The following UBR1 variants were observed in gnomAD, a reference collection of about 807,000 sequenced individuals.
The protein encoded by UBR1 is E3 ubiquitin-protein ligase UBR1.
Under a neutral mutation model 242.1 loss-of-function variants are expected in UBR1, and 102 were observed. The ratio of observed to expected loss-of-function variants is 0.42; its 90% CI spans 0.36 to 0.50. The LOEUF (loss-of-function observed/expected upper bound fraction) is 0.50. Among genes scored for constraint, UBR1 ranks in the 20% least tolerant of loss-of-function variants. The probability of loss-of-function intolerance (pLI) is 0.01; values close to 1 mark genes in which losing one functional copy is unlikely to be tolerated. For missense variants in UBR1, 1,772 were observed against 2,101.8 expected (o/e 0.84, Z 3.07); for synonymous variants, 675 against 684.8 (o/e 0.99, Z 0.22).
chr15:43,054,056 A>G (rs1412127711), intron 12 of UBR1, among the ~76,000 whole-genome samples: 1 of 152,188 alleles, frequency 6.6e-6, no homozygotes, highest in Non-Finnish European at 1.5e-5. Context: ...AAGGAGTTAA[A>G]AAAATGTTAA....
At position 43,056,398 on chromosome 15, in the gene UBR1, G is replaced by C; in HGVS notation, c.1227C>G (p.Asp409Glu). Residue 409 changes from aspartate to glutamate, a missense_variant, in exon 11 of 47, where the codon GAC becomes GAG. Transcript: ENST00000290650. ...AAAGTGCAGTTATAGAGATACTTCT[G>C]TCATGATCATCACTGATATATTCTT... ...LQKEYISDDH[D>E]RSISITALSV... is the part of the protein sequence containing the mutation. 6.2e-7 allele frequency: 1 copy of C among 1,612,392 alleles called. No homozygotes were observed. The highest frequency in any genetic ancestry group is 1.3e-5 in the African/African-American group (1 of 74,994).
At chr15:43,059,274 A>AGGTT in intron 8 of UBR1, 82 bp from the exon 9 acceptor site, 2 of 1,327,376 alleles carry the variant, frequency 1.5e-6, no homozygotes, top group Non-Finnish European at 2.1e-6. Context: ...TCTGTTGCCC[A>AGGTT]GGTTGGTCTT....
At chr15:43,073,535 G>C (rs1486754535) in intron 4 of UBR1, among the ~76,000 whole-genome samples, 1 of 152,126 alleles carries the variant, frequency 6.6e-6, no homozygotes, top group African/African-American at 2.4e-5. Flanking sequence ...TTATTGAAAA[G>C]GCAGGATAAG....
At chr15:43,019,480 CTACTT>C (rs2033075376) in intron 27 of UBR1, among the ~76,000 whole-genome samples, 1 of 151,898 alleles carries the variant, frequency 6.6e-6, no homozygotes, top group Non-Finnish European at 1.5e-5. Context: ...TGAAAAATAA[CTACTT>C]TATATATTCT....
intron 33 of UBR1, 42 bp from the exon 34 acceptor site, chr15:42,990,162 G>A (rs1411619059): frequency 1.5e-6 from 2 of 1,371,056 alleles, no homozygotes; most frequent in Non-Finnish European, 2.0e-6. Context: ...TCATGAATGA[G>A]TTTAGTCTGA....
chr15:43,043,023 G>A (rs1318098543), intron 15 of UBR1, among the ~76,000 whole-genome samples, 192 bp downstream of exon 15: 1 of 152,088 alleles, frequency 6.6e-6, no homozygotes, highest in Non-Finnish European at 1.5e-5. Flanking sequence ...CAAAGCCCAG[G>A]TAAATAAGCA....
chr15:43,026,751 G>A, intron 22 of UBR1, 88 bp from the exon 23 acceptor site: 1 of 1,165,852 alleles, frequency 8.6e-7, no homozygotes, highest in Non-Finnish European at 1.3e-6. Flanking sequence ...TAATCTAGAA[G>A]TCAAATATAC....
intron 3 of UBR1, among the ~76,000 whole-genome samples, chr15:43,081,873 A>C (rs1596135955): frequency 1.3e-5 from 2 of 152,100 alleles, no homozygotes; most frequent in African/African-American, 4.8e-5. Context: ...TTACACATAA[A>C]GGCATTTACT....
chr15:42,984,768 T>C, intron 36 of UBR1, 119 bp downstream of exon 36: 2 of 914,080 alleles, frequency 2.2e-6, no homozygotes, highest in Non-Finnish European at 3.5e-6. Flanking sequence ...TTTTCCCCAC[T>C]ATAGAATTCT....
intron 33 of UBR1, among the ~76,000 whole-genome samples, chr15:42,992,478 G>A (rs1017866825): frequency 6.6e-6 from 1 of 152,220 alleles, no homozygotes; most frequent in African/African-American, 2.4e-5. Flanking sequence ...TCTGTGGATG[G>A]TGATTCCAAT....
At chr15:43,056,568 T>C in intron 10 of UBR1, 126 bp from the exon 11 acceptor site, 1 of 641,120 alleles carries the variant, frequency 1.6e-6, no homozygotes, top group Non-Finnish European at 2.7e-6. Context: ...TTCCTATTTA[T>C]TAAGGCAAGA....
chr15:43,002,889 G>C (rs2032747640), intron 31 of UBR1, among the ~76,000 whole-genome samples, 185 bp from the exon 32 acceptor site: 1 of 152,090 alleles, frequency 6.6e-6, no homozygotes, highest in African/African-American at 2.4e-5. Flanking sequence ...ATTATTTTGG[G>C]GACAAATTGG....
chr15:42,979,042 G>A (rs1350340392), intron 37 of UBR1, among the ~76,000 whole-genome samples: 14 of 151,370 alleles, frequency 9.2e-5, no homozygotes, highest in Admixed American at 8.6e-4. Flanking sequence ...CCACAGGCAC[G>A]TGCCACCATG....
At chr15:43,052,698 A>G (rs1227284222) in intron 12 of UBR1, among the ~76,000 whole-genome samples, 1 of 152,224 alleles carries the variant, frequency 6.6e-6, no homozygotes, top group Non-Finnish European at 1.5e-5. Flanking sequence ...CATGTAGGGA[A>G]AGAGTAAGAT....
chr15:42,989,980 C>T (rs1347118188), intron 34 of UBR1, 50 bp downstream of exon 34: 17 of 1,366,166 alleles, frequency 1.2e-5, no homozygotes, highest in Non-Finnish European at 1.8e-5. Flanking sequence ...GTTTCCTACT[C>T]TTATTTTCAC....
In UBR1 at chr15:42,988,824, G is replaced by C. The variant is rs1297229705; in HGVS notation, c.3992C>G (p.Ala1331Gly). 1.2e-6 allele frequency: 2 copies of C among 1,614,046 alleles called. No homozygotes were observed. Among genetic ancestry groups the C allele is most frequent in the Non-Finnish European group, 1.7e-6 (2 of 1,180,054 alleles). The change falls in exon 35 of 47, where the codon GCA (alanine) becomes GGA (glycine). Residue 1331 changes from alanine (A) to glycine (G), a missense_variant. Coordinates refer to ENST00000290650, the MANE Select transcript of UBR1 (RefSeq NM_174916.3). ...AGTTTTCTTATGAGCTTTACCAATT[G>C]CCTGGATAGTGAAAGCGCAGGTGCT... is the stretch of plus-strand genomic sequence containing the variant. ...TWSTCAFTIQ[A>G]IENLLGDEGK...
At chr15:42,983,008 G>A (rs1395556249) in intron 37 of UBR1, among the ~76,000 whole-genome samples, 1 of 152,118 alleles carries the variant, frequency 6.6e-6, no homozygotes, top group African/African-American at 2.4e-5. Flanking sequence ...CTCTAATGCT[G>A]TGTAATGACT....
In UBR1 at chr15:42,945,219, G is replaced by T; in HGVS notation, c.*110C>A. On this transcript the variant is annotated 3_prime_UTR_variant, in exon 47 of 47. Transcript: ENST00000290650. ...TATTGATGTAAGTGAACCTGGACAT[G>T]GAGCAAAAGACCCTCCAATACTTTC... The T allele has an allele frequency of 6.8e-7, 1 of 1,461,714 alleles. No individual in the cohort carries two copies. The highest frequency in any genetic ancestry group is 9.5e-7 in the Non-Finnish European group (1 of 1,054,696). 90.5% of individuals were successfully genotyped at this position (1,461,714 alleles called of 1,614,324 possible).
Position 42,960,648 on chromosome 15 carries a change from A to C in UBR1, c.4754T>G (p.Val1585Gly), listed in dbSNP as rs765468511. ...AGGATTAAGTAGTAAAACCAACCTG[A>C]CCACGGTGTTTTTTTGCTTCAAACA... ...LNCLKQKNTV[V>G]RYPRKRNSLI... Residue 1585 changes from valine to glycine, a missense_variant, in exon 43 of 47, where the codon GTC becomes GGC. This residue lies in a region of UBR1 where 965 missense variants were observed against 1,079.7 expected (regional missense o/e 0.89). Coordinates refer to ENST00000290650, the MANE Select transcript of UBR1 (RefSeq NM_174916.3). 1 of 1,614,006 alleles carries C rather than the reference A, an allele frequency of 6.2e-7. No individual in the cohort carries two copies.
Sources: allele counts gnomAD v4.1 joint callset (sites outside exome capture counted in the v4.1 genomes callset), GRCh38; gene constraint gnomAD v4.1.1; regional missense constraint gnomAD v4.1.1; transcripts MANE v1.5; gene names NCBI Gene and HGNC (gene_info 2026-07-23, HGNC 2026-07-21).